PCDHGA2: variants seen among roughly 807,000 people sequenced by gnomAD.
PCDHGA2 encodes the protein protocadherin gamma-A2.
Under a neutral mutation model 59.2 loss-of-function variants are expected in PCDHGA2, and 40 were observed. The ratio of observed to expected loss-of-function variants is 0.68; its 90% CI spans 0.52 to 0.88. PCDHGA2 has a LOEUF of 0.88. Among genes scored for constraint, PCDHGA2 ranks in the 40% least tolerant of loss-of-function variants. The probability of loss-of-function intolerance (pLI) is 0.00; values close to 1 mark genes in which losing one functional copy is unlikely to be tolerated. For synonymous variants in PCDHGA2, 560 were observed against 526.0 expected (o/e 1.06, Z -0.89); for missense variants, 1,226 against 1,204.0 (o/e 1.02, Z -0.27).
At chr5:141,461,408 CAT>C (rs1491314585) in intron 1 of PCDHGA2, among the ~76,000 whole-genome samples, 2 of 151,994 alleles carry the variant, frequency 1.3e-5, no homozygotes, top group South Asian at 2.1e-4. Flanking sequence ...AGCATTTTTT[CAT>C]ATGTTTGTGG....
intron 1 of PCDHGA2, chr5:141,352,701 A>G (rs1213639147): frequency 6.5e-7 from 1 of 1,549,094 alleles, no homozygotes; most frequent in South Asian, 1.2e-5. Flanking sequence ...TAAATTTTAT[A>G]TATGGCGGCC....
rs1329158220 is a variant in PCDHGA2, at chr5:141,413,339, A to G, written c.2424+71944A>G. On this transcript the variant is annotated intron_variant, in intron 1 of 3. Coordinates refer to ENST00000394576, the MANE Select transcript of PCDHGA2 (RefSeq NM_018915.4). Reference sequence around the variant, plus strand: ...TCTTTCGTGGGCAACATCTCCAAGGACTTGGGTCTGGCGCCCCGGGAGCTG... The same window carrying G: ...TCTTTCGTGGGCAACATCTCCAAGGGCTTGGGTCTGGCGCCCCGGGAGCTG... The G allele has an allele frequency of 1.3e-5, 21 of 1,613,832 alleles. No individual in the cohort carries two copies. Among genetic ancestry groups the G allele is most frequent in the African/African-American group, 2.7e-5 (2 of 74,940 alleles).
In PCDHGA2 at chr5:141,355,648, G is replaced by A. The variant is rs11575949; in HGVS notation, c.2424+14253G>A. The A allele has an allele frequency of 0.095, 152,832 of 1,613,828 alleles. 8,961 individuals carry two copies. Among genetic ancestry groups the A allele is most frequent in the African/African-American group, 0.29 (21,386 of 74,982 alleles). On this transcript the variant is annotated intron_variant, in intron 1 of 3. Transcript: ENST00000394576. ...AGTTGCTGAAAATGAAAATCCTGGG[G>A]CAAGATTTCCTCTTCCTGAAGCTTT... is the stretch of plus-strand genomic sequence containing the variant.
intron 1 of PCDHGA2, among the ~76,000 whole-genome samples, chr5:141,482,104 AAT>A (rs1452930297): frequency 2.7e-5 from 4 of 150,286 alleles, no homozygotes; most frequent in Non-Finnish European, 5.9e-5. Context: ...AAAAAAAAAA[AAT>A]ATCTAGAGAT....
chr5:141,450,490 T>C (rs1480357834), intron 1 of PCDHGA2, among the ~76,000 whole-genome samples: 1 of 152,164 alleles, frequency 6.6e-6, no homozygotes, highest in Non-Finnish European at 1.5e-5. Context: ...TTTGTTTGTC[T>C]GTTTGTTTGT....
intron 1 of PCDHGA2, chr5:141,344,816 G>C (rs1757476876): frequency 1.2e-6 from 2 of 1,613,946 alleles, no homozygotes; most frequent in East Asian, 4.5e-5. Context: ...GTACCCGGCT[G>C]CTCACGGTGA....
chr5:141,348,380 G>T (rs191012446), intron 1 of PCDHGA2, among the ~76,000 whole-genome samples: 1 of 152,050 alleles, frequency 6.6e-6, no homozygotes, highest in African/African-American at 2.4e-5. Flanking sequence ...ACCTACTTGG[G>T]CAACATAGCA....
intron 1 of PCDHGA2, among the ~76,000 whole-genome samples, chr5:141,472,980 C>CAAAAAAAAAAAAAAAAA (rs60579131): frequency 5.8e-5 from 5 of 86,060 alleles, no homozygotes; most frequent in African/African-American, 3.9e-5. Context: ...GAGTGAAACT[C>CAAAAAAAAAAAAAAAAA]AAAAAAAAAA....
intron 1 of PCDHGA2, chr5:141,384,205 A>T: frequency 6.2e-7 from 1 of 1,613,874 alleles, no homozygotes; most frequent in Non-Finnish European, 8.5e-7. Context: ...GTCCAGGGAA[A>T]CTCACATATT....
intron 1 of PCDHGA2, chr5:141,344,452 T>C (rs753860290): frequency 6.2e-7 from 1 of 1,613,722 alleles, no homozygotes; most frequent in Non-Finnish European, 8.5e-7. Context: ...GAATTGGAAA[T>C]AAAAATTGGT....
At chr5:141,408,618 A>C (rs1264915663) in intron 1 of PCDHGA2, 1 of 1,614,024 alleles carries the variant, frequency 6.2e-7, no homozygotes, top group Admixed American at 1.7e-5. Flanking sequence ...AAGGAAATAC[A>C]TTTAGAAATT....
At chr5:141,371,693 C>T in intron 1 of PCDHGA2, 1 of 1,614,066 alleles carries the variant, frequency 6.2e-7, no homozygotes, top group Non-Finnish European at 8.5e-7. Context: ...CACCGCTCTC[C>T]TCCAGCAAGA....
At chr5:141,427,603 T>G in intron 1 of PCDHGA2, 2 of 681,440 alleles carry the variant, frequency 2.9e-6, no homozygotes, top group East Asian at 2.8e-5. Flanking sequence ...ACCCTACGCA[T>G]TGGTGAAGTC....
intron 1 of PCDHGA2, chr5:141,366,543 C>T (rs1287231126): frequency 6.8e-6 from 11 of 1,614,124 alleles, no homozygotes; most frequent in Non-Finnish European, 8.5e-6. Context: ...GTGCCCGCCT[C>T]GCACTTTGTG....
At chr5:141,365,854 C>T (rs570866859) in intron 1 of PCDHGA2, 1 of 1,614,060 alleles carries the variant, frequency 6.2e-7, no homozygotes, top group Non-Finnish European at 8.5e-7. Flanking sequence ...TATCCATTAA[C>T]TCTGACACCG....
At chr5:141,430,076 T>C (rs2097260023) in intron 1 of PCDHGA2, among the ~76,000 whole-genome samples, 1 of 152,208 alleles carries the variant, frequency 6.6e-6, no homozygotes, top group South Asian at 2.1e-4. Context: ...GTTTCCATAA[T>C]ATCATGAAAA....
chr5:141,371,086 T>C (rs1767472872), intron 1 of PCDHGA2: 2 of 1,613,836 alleles, frequency 1.2e-6, no homozygotes, highest in Admixed American at 3.3e-5. Context: ...ATCAGGGTAA[T>C]TGTCGCAGAT....
At position 141,487,465 on chromosome 5, in the gene PCDHGA2, T is replaced by C. The variant is rs1354086784; in HGVS notation, c.2425-7342T>C. 1.9e-6 allele frequency: 3 copies of C among 1,614,194 alleles called. No individual in the cohort carries two copies. The highest frequency in any genetic ancestry group is 1.7e-6 in the Non-Finnish European group (2 of 1,180,020). Reference sequence around the variant, plus strand: ...CAGATGACCCTATCAAGTTTGTTGATGTGGGAGGCCACTCTCATGGCTGTA... The same window carrying C: ...CAGATGACCCTATCAAGTTTGTTGACGTGGGAGGCCACTCTCATGGCTGTA... On this transcript the variant is annotated intron_variant, in intron 1 of 3. Transcript: ENST00000394576. The surrounding 1 kb of genome is among the most constrained non-coding windows in gnomAD (Gnocchi z 5.0).
At position 141,341,407 on chromosome 5, in the gene PCDHGA2, T is replaced by A; in HGVS notation, c.2424+12T>A. 6.2e-7 allele frequency: 1 copy of A among 1,614,154 alleles called. No individual in the cohort carries two copies. The highest frequency in any genetic ancestry group is 8.5e-7 in the Non-Finnish European group (1 of 1,180,026). ...AAACGTTTTCTCAGGTAATCTATCT[T>A]TTCACAACATACGTACTAGCTAGTT... On this transcript the variant is annotated intron_variant, in intron 1 of 3. Transcript: ENST00000394576.
Sources: allele counts gnomAD v4.1 joint callset (sites outside exome capture counted in the v4.1 genomes callset), GRCh38; gene constraint gnomAD v4.1.1; non-coding constraint Gnocchi (gnomAD v3.1); transcripts MANE v1.5; gene names NCBI Gene and HGNC (gene_info 2026-07-23, HGNC 2026-07-21).